Variants in FAM20C observed in about 807,000 individuals in gnomAD.
The protein encoded by FAM20C is extracellular serine/threonine protein kinase FAM20C.
A neutral mutation model predicts 51.5 loss-of-function variants in FAM20C; 40 were observed. The ratio of observed to expected loss-of-function variants is 0.78; its 90% confidence interval spans 0.60 to 1.01. FAM20C has a LOEUF of 1.01. FAM20C is among the 50% of genes least tolerant of loss of function. FAM20C has a pLI of 0.00. For synonymous variants in FAM20C, 406 were observed against 380.6 expected, an observed-to-expected ratio of 1.07 and a Z score of -0.78; for missense variants, 861 against 844.7, an observed-to-expected ratio of 1.02 and a Z score of -0.24.
Position 192,575 on chromosome 7 carries a change from G to A in FAM20C, c.-625G>A, listed in dbSNP as rs1442417220. The stretch of plus-strand genomic sequence containing the variant: ...CCGCCCGGGACGCGGGGCGCCGAGA[G>A]GCTCGGCCAGGCGGGAGCTGCGCTC... On this transcript the variant is annotated 5_prime_UTR_variant, in exon 1 of 10. Coordinates refer to ENST00000313766, the MANE Select transcript of FAM20C (RefSeq NM_020223.4). 1.3e-5 allele frequency among the ~76,000 whole-genome samples: 2 copies of A among 151,066 alleles called. 1 individual carries two copies. The highest frequency in any genetic ancestry group is 4.8e-5 in the African/African-American group (2 of 41,308).
chr7:230,601 AG>A (rs1787631388), intron 3 of FAM20C, among the ~76,000 whole-genome samples: 1 of 152,076 alleles, frequency 6.6e-6, no homozygotes, highest in Non-Finnish European at 1.5e-5. Flanking sequence ...TCCCCGATTC[AG>A]TGTTCCCATC....
chr7:256,700 C>A lies in FAM20C; in HGVS notation c.1300C>A (p.Pro434Thr). Reference sequence around the variant, plus strand: ...CTGCGAGGAGGTGAAGCAGACACCGCCCTACGACAGCAGCCACCGCATCCT... The same window carrying A: ...CTGCGAGGAGGTGAAGCAGACACCGACCTACGACAGCAGCCACCGCATCCT... ...DYCEEVKQTP[P>T]YDSSHRILDV... Residue 434 changes from proline (P) to threonine (T), a missense_variant, in exon 7 of 10, where the codon CCC becomes ACC. Coordinates refer to ENST00000313766, the MANE Select transcript of FAM20C (RefSeq NM_020223.4). 2 of 1,536,122 alleles carry A rather than the reference C, an allele frequency of 1.3e-6. No individual in the cohort carries two copies. Among genetic ancestry groups the A allele is most frequent in the Non-Finnish European group, 1.7e-6 (2 of 1,146,838 alleles).
Position 207,273 on chromosome 7 carries a change from G to T in FAM20C, c.785-1625G>T, listed in dbSNP as rs796404324. Among the ~76,000 whole-genome samples, 218 of 22,250 alleles carry T rather than the reference G, an allele frequency of 9.8e-3. 11 individuals are homozygous for T. The highest frequency in any genetic ancestry group is 0.013 in the Non-Finnish European group (150 of 11,284). 14.6% of individuals were successfully genotyped at this position (22,250 alleles called of 152,430 possible). On this transcript the variant is annotated intron_variant, in intron 2 of 9. Coordinates refer to ENST00000313766, the MANE Select transcript of FAM20C (RefSeq NM_020223.4). ...GCACACGTGTCCACTGTGACGCGTC[G>T]GTCACTGTCCCCTCGGCCCCGCACA...
chr7:225,982 G>A (rs1314231587), intron 3 of FAM20C, among the ~76,000 whole-genome samples: 3 of 150,334 alleles, frequency 2.0e-5, no homozygotes, highest in African/African-American at 4.9e-5. Flanking sequence ...TCATGGGGTC[G>A]CACGGCGGCT....
intron 3 of FAM20C, among the ~76,000 whole-genome samples, chr7:214,587 G>A (rs990443320): frequency 8.6e-5 from 13 of 152,046 alleles, no homozygotes; most frequent in Non-Finnish European, 1.3e-4. Flanking sequence ...CGGGCCTGGC[G>A]TAGCCACTGT....
chr7:224,409 CTGAGCAGA>C (rs1787387594), intron 3 of FAM20C, among the ~76,000 whole-genome samples: 1 of 18,746 alleles, frequency 5.3e-5, no homozygotes, highest in Non-Finnish European at 1.0e-4. Flanking sequence ...CCTTCTCTCA[CTGAGCAGA>C]ACGGCACCCT....
At chr7:202,353 T>C (rs1352567287) in intron 2 of FAM20C, among the ~76,000 whole-genome samples, 1 of 145,528 alleles carries the variant, frequency 6.9e-6, no homozygotes, top group East Asian at 2.1e-4. Flanking sequence ...GGGTGACTGC[T>C]GGGTGAGATT....
In FAM20C at chr7:259,918, G is replaced by A. The variant is rs912518346; in HGVS notation, c.1693G>A (p.Gly565Arg). ...CGTCCGGGACTGCGTGGAGAGGAAC[G>A]GGCTCCACAGCGTGGTGGATGACGA... ...KAVRDCVERN[G>R]LHSVVDDDLD... The change falls in exon 10 of 10, where the codon GGG (glycine) becomes AGG (arginine). Residue 565 changes from glycine (G) to arginine (R), a missense_variant. By Grantham distance (125) the Gly-to-Arg change is moderately radical. Around this residue, in one of 3 missense-constraint regions of FAM20C, gnomAD observed 269 missense variants for 283.8 expected, o/e 0.95. Coordinates refer to ENST00000313766, the MANE Select transcript of FAM20C (RefSeq NM_020223.4). The A allele has an allele frequency of 7.2e-6, 11 of 1,534,306 alleles. No homozygotes were observed. Among genetic ancestry groups the A allele is most frequent in the Middle Eastern group, 1.7e-4 (1 of 5,972 alleles).
In FAM20C at chr7:255,991, C is replaced by T. The variant is rs1344798728; in HGVS notation, c.1215C>T (p.Asn405=). The change falls in exon 6 of 10, where the codon AAC becomes AAT. Residue 405 remains asparagine, a synonymous_variant. Transcript: ENST00000313766. ...LSLAKRKTWR[N]PWRRSYHKRK... is the part of the protein sequence containing the mutation. ...TGGCCAAGAGGAAGACCTGGCGGAACCCTTGGCGGCGTTCCTACCACAAGC... is the reference window on the plus strand; with the variant it reads ...TGGCCAAGAGGAAGACCTGGCGGAATCCTTGGCGGCGTTCCTACCACAAGC... 2.0e-6 allele frequency: 3 copies of T among 1,536,068 alleles called. No individual in the cohort carries two copies. The highest frequency in any genetic ancestry group is 3.9e-5 in the Admixed American group (2 of 50,988).
intron 3 of FAM20C, among the ~76,000 whole-genome samples, chr7:210,980 T>C (rs1026233510): frequency 1.3e-5 from 2 of 152,064 alleles, no homozygotes; most frequent in African/African-American, 4.8e-5. Flanking sequence ...CCCTGTGAGT[T>C]ATAGGAGGTG....
chr7:215,006 C>T (rs1039298705), intron 3 of FAM20C, among the ~76,000 whole-genome samples: 3 of 152,018 alleles, frequency 2.0e-5, no homozygotes, highest in Non-Finnish European at 2.9e-5. Context: ...GACCTCTGGA[C>T]GTGGGGAGGC....
Position 255,837 on chromosome 7 carries a change from G to A in FAM20C, c.1073-12G>A. On this transcript the variant is annotated splice_polypyrimidine_tract_variant and intron_variant, in intron 5 of 9. Transcript: ENST00000313766. ...GTGCGGCCCTGGTAACCCGCAGCCTGTCCCTCCCCAGCCAACAACATCTGC... is the reference window on the plus strand; with the variant it reads ...GTGCGGCCCTGGTAACCCGCAGCCTATCCCTCCCCAGCCAACAACATCTGC... 1 of 1,536,176 alleles carries A rather than the reference G, an allele frequency of 6.5e-7. No individual in the cohort carries two copies. The highest frequency in any genetic ancestry group is 8.7e-7 in the Non-Finnish European group (1 of 1,146,808).
chr7:203,903 C>CT (rs1282268635), intron 2 of FAM20C, among the ~76,000 whole-genome samples: 3 of 152,204 alleles, frequency 2.0e-5, no homozygotes, highest in African/African-American at 7.2e-5. Context: ...ACCCCAGTTA[C>CT]TAATGGAAAT....
chr7:247,739 A>G (rs1583332446), intron 4 of FAM20C, among the ~76,000 whole-genome samples: 1 of 152,196 alleles, frequency 6.6e-6, no homozygotes, highest in Non-Finnish European at 1.5e-5. Context: ...TTTATAAAAC[A>G]GGACACAGAG....
At chr7:245,410 G>C (rs1050671630) in intron 3 of FAM20C, among the ~76,000 whole-genome samples, 1 of 151,624 alleles carries the variant, frequency 6.6e-6, no homozygotes, top group Non-Finnish European at 1.5e-5. Context: ...ATCCTGGGAC[G>C]GGCTCTCCTT....
chr7:217,170 G>T (rs1490963813), intron 3 of FAM20C, among the ~76,000 whole-genome samples: 1 of 152,146 alleles, frequency 6.6e-6, no homozygotes, highest in Admixed American at 6.5e-5. Context: ...CCTTTCCCAG[G>T]TGCCCTGGGG....
In FAM20C at chr7:245,582, G is replaced by A. The variant is rs140048323; in HGVS notation, c.864-833G>A. On this transcript the variant is annotated intron_variant, in intron 3 of 9. Transcript: ENST00000313766. ...AGCATGGCAGGGGCCGGCCTTGGTG[G>A]AGGAAGCATGCTTACACGCTTACAC... 8.8e-3 allele frequency among the ~76,000 whole-genome samples: 1,342 copies of A among 152,330 alleles called. 23 individuals carry two copies. Among genetic ancestry groups the A allele is most frequent in the African/African-American group, 0.031 (1,274 of 41,582 alleles).
chr7:246,455 T>A lies in FAM20C; in HGVS notation c.904T>A (p.Phe302Ile). The A allele has an allele frequency of 7.2e-7, 1 of 1,394,068 alleles. No individual in the cohort carries two copies. Among genetic ancestry groups the A allele is most frequent in the Non-Finnish European group, 9.3e-7 (1 of 1,078,334 alleles). The allele number at this position is 1,394,068 out of a possible 1,614,324, so 86.4% of individuals were successfully genotyped here. ...EQETPPDFFYFSDYERHNAEI... is the reference protein window; with the variant it reads ...EQETPPDFFYISDYERHNAEI... ...GGAGACACCCCCTGACTTTTTTTAT[T>A]TCTCTGACTACGAGAGGCACAATGC... The change falls in exon 4 of 10, where the codon TTC (phenylalanine) becomes ATC (isoleucine). Residue 302 changes from phenylalanine to isoleucine, a missense_variant. Coordinates refer to ENST00000313766, the MANE Select transcript of FAM20C (RefSeq NM_020223.4).
Position 258,719 on chromosome 7 carries a change from C to A in FAM20C, c.1505+14C>A, listed in dbSNP as rs572754401. ...GCAGTGCTGCAGGTACAGCCCCTGC[C>A]GGAGCCGGCTCCAGCTCCACCCTCC... On this transcript the variant is annotated intron_variant, in intron 9 of 9. Coordinates refer to ENST00000313766, the MANE Select transcript of FAM20C (RefSeq NM_020223.4). 3 of 1,532,410 alleles carry A rather than the reference C, an allele frequency of 2.0e-6. No individual in the cohort carries two copies. Among genetic ancestry groups the A allele is most frequent in the Non-Finnish European group, 2.6e-6 (3 of 1,144,044 alleles). The allele number at this position is 1,532,410 out of a possible 1,614,324, so 94.9% of individuals were successfully genotyped here.
Sources: gnomAD v4.1 joint callset for allele counts (sites outside exome capture counted in the v4.1 genomes callset) on GRCh38, gnomAD v4.1.1 for gene constraint, gnomAD v4.1.1 regional missense constraint, MANE v1.5 for transcripts, NCBI Gene and HGNC (gene_info 2026-07-23, HGNC 2026-07-21) for gene names.